NELL2: variants seen among roughly 807,000 people sequenced by gnomAD.
NELL2 encodes protein kinase C-binding protein NELL2.
NELL2 carries 41 observed loss-of-function variants against 109.6 expected under a neutral mutation model. The ratio of observed to expected loss-of-function variants is 0.37; its 90% CI spans 0.29 to 0.49. The LOEUF (loss-of-function observed/expected upper bound fraction) is 0.49. NELL2 is among the 20% of genes least tolerant of loss of function. The pLI is 0.98. For missense variants in NELL2, 900 were observed against 1,008.3 expected (o/e 0.89, Z 1.45); for synonymous variants, 355 against 344.7 (o/e 1.03, Z -0.33).
Position 44,876,033 on chromosome 12 carries a change from G to A in NELL2, c.-164C>T. 6.7e-7 allele frequency: 1 copy of A among 1,491,382 alleles called. No individual in the cohort carries two copies. The highest frequency in any genetic ancestry group is 8.9e-7 in the Non-Finnish European group (1 of 1,127,242). The allele number at this position is 1,491,382 out of a possible 1,614,324, so 92.4% of individuals were successfully genotyped here. A position where few individuals can be genotyped will look rare whatever the true frequency, so the allele number is the denominator to read the frequency against. On this transcript the variant is annotated 5_prime_UTR_variant, in exon 1 of 20. Coordinates refer to ENST00000429094, the MANE Select transcript of NELL2 (RefSeq NM_001145108.2). ...GCTTTGGTTGCCTAAGAAAGAAAAG[G>A]GAGGCCTCCCCAGGCGCGTGAAGAA...
intron 12 of NELL2, among the ~76,000 whole-genome samples, chr12:44,674,649 T>C (rs934315299): frequency 4.6e-5 from 7 of 152,294 alleles, no homozygotes; most frequent in African/African-American, 1.7e-4. Context: ...TGTAGTGATA[T>C]AAAGACATTA....
At chr12:44,723,874 A>T (rs2136459059) in intron 9 of NELL2, among the ~76,000 whole-genome samples, 1 of 152,266 alleles carries the variant, frequency 6.6e-6, no homozygotes, top group South Asian at 2.1e-4. Context: ...CATTCAACCC[A>T]GCAATCCCAC....
intron 13 of NELL2, among the ~76,000 whole-genome samples, chr12:44,641,031 T>A (rs1434556852): frequency 1.3e-5 from 2 of 152,146 alleles, no homozygotes; most frequent in African/African-American, 2.4e-5. Flanking sequence ...CAGATGTAAC[T>A]GAGATGGAGC....
chr12:44,579,992 A>G (rs868520790), intron 15 of NELL2, among the ~76,000 whole-genome samples: 9 of 152,160 alleles, frequency 5.9e-5, no homozygotes, highest in Non-Finnish European at 1.0e-4. Context: ...ATGGGTTTTT[A>G]TATACATTAT....
intron 19 of NELL2, among the ~76,000 whole-genome samples, chr12:44,517,263 A>G (rs148263824): frequency 3.5e-4 from 54 of 152,184 alleles, no homozygotes; most frequent in African/African-American, 1.2e-3. Context: ...AGATCGAGTT[A>G]TCTATTCTAA....
intron 16 of NELL2, among the ~76,000 whole-genome samples, chr12:44,529,841 G>C (rs116595470): frequency 1.7e-4 from 26 of 152,294 alleles, no homozygotes; most frequent in African/African-American, 6.3e-4. Flanking sequence ...AACAAGTATT[G>C]AAAATATTTT....
intron 15 of NELL2, among the ~76,000 whole-genome samples, chr12:44,535,491 T>C (rs1942256624): frequency 6.6e-6 from 1 of 152,020 alleles, no homozygotes; most frequent in Admixed American, 6.6e-5. Flanking sequence ...ATTTCTGCCC[T>C]CAGTTAGTTT....
At chr12:44,654,406 C>A (rs1258278334) in intron 13 of NELL2, among the ~76,000 whole-genome samples, 1 of 152,138 alleles carries the variant, frequency 6.6e-6, no homozygotes, top group Non-Finnish European at 1.5e-5. Flanking sequence ...ACATATAATA[C>A]TCATCGTTTG....
At chr12:44,615,199 G>A (rs924705020) in intron 13 of NELL2, among the ~76,000 whole-genome samples, 2 of 152,018 alleles carry the variant, frequency 1.3e-5, no homozygotes, top group African/African-American at 4.8e-5. Flanking sequence ...ATCCAAGAAT[G>A]ACTTCTTGGA....
chr12:44,611,165 A>G lies in NELL2; in HGVS notation c.1445-195T>C, dbSNP rs554089262. 1.1e-3 allele frequency among the ~76,000 whole-genome samples: 175 copies of G among 152,200 alleles called. 1 individual carries two copies. The highest frequency in any genetic ancestry group is 2.0e-3 in the Non-Finnish European group (136 of 67,982). On this transcript the variant is annotated intron_variant, in intron 13 of 19. Transcript: ENST00000429094. ...GTACATACAAGTTCACACATTCACA[A>G]ACATTGAATGCAAAATAATTTGGAC...
intron 13 of NELL2, among the ~76,000 whole-genome samples, chr12:44,620,831 T>C (rs1438454862): frequency 6.6e-6 from 1 of 152,168 alleles, no homozygotes; most frequent in African/African-American, 2.4e-5. Context: ...ATTAGTGCAA[T>C]AGCCTCATAA....
At chr12:44,773,463 G>C (rs1211719082) in intron 9 of NELL2, among the ~76,000 whole-genome samples, 2 of 151,800 alleles carry the variant, frequency 1.3e-5, no homozygotes, top group South Asian at 2.1e-4. Flanking sequence ...GCGACAGAGC[G>C]AGGCTCCGTC....
chr12:44,644,623 T>TATATATAC (rs1555190910), intron 13 of NELL2, among the ~76,000 whole-genome samples: 1 of 78,888 alleles, frequency 1.3e-5, no homozygotes, highest in East Asian at 4.9e-4. Flanking sequence ...TATATATATA[T>TATATATAC]ATACATACAT....
chr12:44,669,718 A>T (rs1229417629), intron 12 of NELL2, among the ~76,000 whole-genome samples: 1 of 152,198 alleles, frequency 6.6e-6, no homozygotes, highest in African/African-American at 2.4e-5. Context: ...GAAATAAAAC[A>T]GAATAAGAAG....
At chr12:44,549,107 A>G (rs2136162465) in intron 15 of NELL2, among the ~76,000 whole-genome samples, 1 of 152,330 alleles carries the variant, frequency 6.6e-6, no homozygotes, top group Non-Finnish European at 1.5e-5. Context: ...CCACATATTT[A>G]ATTTCATGTT....
At chr12:44,757,840 A>C (rs1305238338) in intron 9 of NELL2, among the ~76,000 whole-genome samples, 2 of 152,140 alleles carry the variant, frequency 1.3e-5, no homozygotes, top group African/African-American at 4.8e-5. Context: ...GTATCCTCAA[A>C]GCATTAGGAA....
chr12:44,692,674 A>G (rs2136398271), intron 12 of NELL2, among the ~76,000 whole-genome samples: 1 of 152,256 alleles, frequency 6.6e-6, no homozygotes, highest in Non-Finnish European at 1.5e-5. Flanking sequence ...CTACACTAAC[A>G]AGAGTTTGGA....
chr12:44,917,519 C>A (rs149552786), upstream of NELL2, among the ~76,000 whole-genome samples: 235 of 152,264 alleles, frequency 1.5e-3, 1 homozygote, highest in African/African-American at 5.5e-3. Context: ...GTGAGCAGAC[C>A]CTAGGGTGGG....
intron 19 of NELL2, among the ~76,000 whole-genome samples, chr12:44,509,427 C>T (rs772623037): frequency 2.6e-5 from 4 of 152,094 alleles, no homozygotes; most frequent in Admixed American, 6.6e-5. Flanking sequence ...TGTTTGCATC[C>T]TCTTAAAACC....
Sources: allele counts gnomAD v4.1 joint callset (sites outside exome capture counted in the v4.1 genomes callset), GRCh38; gene constraint gnomAD v4.1.1; transcripts MANE v1.5; gene names NCBI Gene and HGNC (gene_info 2026-07-23, HGNC 2026-07-21).